Variants in SNX25 observed in about 807,000 individuals in gnomAD.
SNX25 encodes the protein sorting nexin-25.
Under a neutral mutation model 113.7 loss-of-function variants are expected in SNX25, and 62 were observed. That is an observed-to-expected ratio of 0.55 (90% CI 0.44 to 0.67). The LOEUF (loss-of-function observed/expected upper bound fraction) is 0.67. Ranked by LOEUF, SNX25 falls within the 30% of genes least tolerant of loss-of-function variation. The pLI is 0.00. For synonymous variants in SNX25, 421 were observed against 436.2 expected (o/e 0.97, Z 0.43); for missense variants, 1,014 against 1,161.0 (o/e 0.87, Z 1.84).
the SNX25 span, chr4:185,378,356 A>T: frequency 7.0e-7 from 1 of 1,429,830 alleles, no homozygotes; most frequent in Non-Finnish European, 9.1e-7. Flanking sequence ...CAGGACGTGA[A>T]CATTCTTTAC....
At chr4:185,226,370 T>C (rs1319298104) in intron 1 of SNX25, among the ~76,000 whole-genome samples, 2 of 152,218 alleles carry the variant, frequency 1.3e-5, no homozygotes, top group African/African-American at 4.8e-5. Context: ...TGGGAGATGC[T>C]TTTAGGTACA....
intron 16 of SNX25, among the ~76,000 whole-genome samples, chr4:185,359,940 G>T (rs115810809): frequency 6.6e-6 from 1 of 152,126 alleles, no homozygotes; most frequent in Admixed American, 6.5e-5. Context: ...CGATCATGGC[G>T]CACATGGTTC....
rs183799721 is a variant in SNX25 at position 185,260,977 on chromosome 4, C to T, written c.731+1913C>T. ...GCACCTGCTAATTTGCTGTGCTATC[C>T]GTTATTTCAAGTGTTCCATAGTTCC... On this transcript the variant is annotated intron_variant, in intron 3 of 18. Coordinates refer to ENST00000652585, the MANE Select transcript of SNX25 (RefSeq NM_001378034.2). Among the ~76,000 whole-genome samples, 10 of 152,226 alleles carry T rather than the reference C, an allele frequency of 6.6e-5. No individual in the cohort carries two copies. The East Asian group carries it at 1.7e-3, about 26-fold the overall frequency.
chr4:185,249,255 C>A (rs1745299949), intron 2 of SNX25, among the ~76,000 whole-genome samples: 1 of 152,186 alleles, frequency 6.6e-6, no homozygotes, highest in African/African-American at 2.4e-5. Flanking sequence ...TTTAGACTCT[C>A]ACCAGCAGTT....
At chr4:185,344,358 G>T (rs981494550) in intron 12 of SNX25, among the ~76,000 whole-genome samples, 1 of 152,176 alleles carries the variant, frequency 6.6e-6, no homozygotes, top group Non-Finnish European at 1.5e-5. Context: ...GGCTCGTCTT[G>T]AATTATTGTT....
intron 8 of SNX25, among the ~76,000 whole-genome samples, chr4:185,323,272 TTC>T (rs1197103500): frequency 2.6e-5 from 4 of 152,186 alleles, no homozygotes; most frequent in Non-Finnish European, 4.4e-5. Flanking sequence ...ACTGTTCTTA[TTC>T]TGTTTTTGCC....
At chr4:185,324,558 C>T (rs776538623) in intron 9 of SNX25, among the ~76,000 whole-genome samples, 5 of 149,792 alleles carry the variant, frequency 3.3e-5, no homozygotes, top group African/African-American at 4.9e-5. Context: ...TATCTTGGGG[C>T]TCACATCTCT....
intron 5 of SNX25, among the ~76,000 whole-genome samples, chr4:185,277,409 G>A (rs1749868100): frequency 1.3e-5 from 2 of 152,162 alleles, no homozygotes; most frequent in Non-Finnish European, 2.9e-5. Flanking sequence ...TGAAGGAACG[G>A]TGGAGAAGAG....
intron 13 of SNX25, among the ~76,000 whole-genome samples, chr4:185,350,260 T>C (rs1443796494): frequency 6.6e-6 from 1 of 152,248 alleles, no homozygotes; most frequent in Non-Finnish European, 1.5e-5. Context: ...GTTGCCATCA[T>C]GGACCAACCC....
chr4:185,222,021 TCC>T (rs1739964250), intron 1 of SNX25, among the ~76,000 whole-genome samples: 1 of 143,804 alleles, frequency 7.0e-6, no homozygotes, highest in Non-Finnish European at 1.5e-5. Context: ...GCACCATATA[TCC>T]CTCGTTCACT....
intron 1 of SNX25, among the ~76,000 whole-genome samples, chr4:185,240,762 G>A (rs1287460286): frequency 2.6e-5 from 4 of 151,530 alleles, no homozygotes; most frequent in Admixed American, 6.6e-5. Context: ...CTTCCCAGAC[G>A]GAGTGGCTGC....
intron 13 of SNX25, among the ~76,000 whole-genome samples, chr4:185,350,143 G>C (rs1054766287): frequency 2.8e-5 from 4 of 144,426 alleles, no homozygotes; most frequent in African/African-American, 1.1e-4. Context: ...ATGGTGTTCC[G>C]TGGACCCCTT....
At chr4:185,319,180 C>T (rs1579770230) in intron 7 of SNX25, among the ~76,000 whole-genome samples, 15 of 108,592 alleles carry the variant, frequency 1.4e-4, no homozygotes, top group Non-Finnish European at 1.9e-4. Context: ...AATACATTTT[C>T]TTTGAGAAAG....
intron 15 of SNX25, among the ~76,000 whole-genome samples, chr4:185,356,052 G>A (rs564880302): frequency 6.6e-6 from 1 of 152,306 alleles, no homozygotes; most frequent in South Asian, 2.1e-4. Context: ...CATATATAAT[G>A]AGATGTGATC....
At chr4:185,322,698 A>G (rs1435778544) in intron 8 of SNX25, among the ~76,000 whole-genome samples, 1 of 152,156 alleles carries the variant, frequency 6.6e-6, no homozygotes, top group Non-Finnish European at 1.5e-5. Context: ...GTTGTTCTCA[A>G]AGGAATATTG....
chr4:185,372,765 TG>T, downstream of SNX25: 1 of 1,136,844 alleles, frequency 8.8e-7, no homozygotes, highest in Non-Finnish European at 1.3e-6. Flanking sequence ...TCCTGGCCTC[TG>T]GAACTGTGAG....
At position 185,353,588 on chromosome 4, in the gene SNX25, T is replaced by C; in HGVS notation, c.2570T>C (p.Phe857Ser). 1 of 1,613,994 alleles carries C rather than the reference T, an allele frequency of 6.2e-7. No individual in the cohort carries two copies. Among genetic ancestry groups the C allele is most frequent in the Non-Finnish European group, 8.5e-7 (1 of 1,179,862 alleles). ...TGTTTCATGTTGATTGGGGAGATTT[T>C]TGAACTTCGAGGAAGTAAGCTTCTT... is the stretch of plus-strand genomic sequence containing the variant. ...EPCFMLIGEI[F>S]ELRGMFKWVR... is the part of the protein sequence containing the mutation. Residue 857 changes from phenylalanine (F) to serine (S), a missense_variant, in exon 15 of 19, where the codon TTT (phenylalanine) becomes TCT (serine). By Grantham distance (155) the Phe-to-Ser change is radical (BLOSUM62 -2). Coordinates refer to ENST00000652585, the MANE Select transcript of SNX25 (RefSeq NM_001378034.2).
rs937954685 is a variant in SNX25, at chr4:185,344,549, G to A, written c.2188-1988G>A. ...AGCACGGGATGGGGAAAGAAAGGGA[G>A]TGGAGGTTCACAGCAGATGCCCAGG... On this transcript the variant is annotated intron_variant, in intron 12 of 18. Coordinates refer to ENST00000652585, the MANE Select transcript of SNX25 (RefSeq NM_001378034.2). Among the ~76,000 whole-genome samples, 3 of 152,322 alleles carry A rather than the reference G, an allele frequency of 2.0e-5. No homozygotes were observed. The East Asian group carries it at 5.8e-4, about 29-fold the overall frequency.
intron 1 of SNX25, among the ~76,000 whole-genome samples, chr4:185,241,767 G>A (rs769408383): frequency 2.0e-5 from 3 of 152,238 alleles, no homozygotes; most frequent in East Asian, 1.9e-4. Flanking sequence ...CAAAGTACAC[G>A]TATTTTTCTT....
Sources: gnomAD v4.1 joint callset for allele counts (sites outside exome capture counted in the v4.1 genomes callset) on GRCh38, gnomAD v4.1.1 for gene constraint, MANE v1.5 for transcripts, NCBI Gene and HGNC (gene_info 2026-07-23, HGNC 2026-07-21) for gene names.